CHST11: variants seen among roughly 807,000 people sequenced by gnomAD.
The protein encoded by CHST11 is C4S-1.
CHST11 carries 9 observed loss-of-function variants against 30.4 expected under a neutral mutation model. The ratio of observed to expected loss-of-function variants is 0.30; its 90% CI spans 0.18 to 0.52. The LOEUF is 0.52. Ranked by LOEUF, CHST11 falls within the 20% of genes least tolerant of loss-of-function variation. CHST11 has a pLI of 0.97. For missense variants in CHST11, 348 were observed against 460.6 expected, an observed-to-expected ratio of 0.76 and a Z score of 2.24; for synonymous variants, 152 against 187.8, an observed-to-expected ratio of 0.81 and a Z score of 1.56.
intron 1 of CHST11, among the ~76,000 whole-genome samples, chr12:104,494,521 C>A (rs1432581279): frequency 1.3e-5 from 2 of 152,182 alleles, no homozygotes; most frequent in Non-Finnish European, 2.9e-5. Context: ...AAATAGAATC[C>A]GTTCTAAGTC....
chr12:104,642,680 A>G (rs926518377), intron 2 of CHST11, among the ~76,000 whole-genome samples: 9 of 152,222 alleles, frequency 5.9e-5, no homozygotes, highest in African/African-American at 7.2e-5. Context: ...TATTACAGCT[A>G]TGAGCCACTA....
intron 1 of CHST11, among the ~76,000 whole-genome samples, chr12:104,526,199 A>G (rs1193188416): frequency 6.7e-6 from 1 of 148,412 alleles, no homozygotes; most frequent in African/African-American, 2.5e-5. Context: ...TTATTTTCAC[A>G]AATGGATCAT....
chr12:104,544,705 TAAAA>T (rs755404934), intron 1 of CHST11, among the ~76,000 whole-genome samples: 1 of 93,176 alleles, frequency 1.1e-5, no homozygotes, highest in Admixed American at 1.4e-4. Flanking sequence ...AGACTTGGTC[TAAAA>T]AAAAAAAAAA....
At chr12:104,525,058 G>A (rs1290358740) in intron 1 of CHST11, among the ~76,000 whole-genome samples, 1 of 151,120 alleles carries the variant, frequency 6.6e-6, no homozygotes, top group African/African-American at 2.4e-5. Flanking sequence ...CAAATCTTAT[G>A]ACTGTAATTT....
At chr12:104,727,860 C>G (rs1027427046) in intron 2 of CHST11, among the ~76,000 whole-genome samples, 3 of 152,108 alleles carry the variant, frequency 2.0e-5, no homozygotes, top group Non-Finnish European at 2.9e-5. Flanking sequence ...AACAGGGACC[C>G]TAAGCTACTC....
At chr12:104,585,658 T>C (rs934085695) in intron 1 of CHST11, among the ~76,000 whole-genome samples, 2 of 152,182 alleles carry the variant, frequency 1.3e-5, no homozygotes, top group African/African-American at 4.8e-5. Context: ...TGGGAACCCA[T>C]GTGTATCAGT....
intron 1 of CHST11, among the ~76,000 whole-genome samples, chr12:104,481,821 T>A (rs1297810339): frequency 6.7e-6 from 1 of 148,182 alleles, no homozygotes; most frequent in African/African-American, 2.5e-5. Flanking sequence ...CCTCCCTCCG[T>A]CCCTCTTTTC....
intron 1 of CHST11, among the ~76,000 whole-genome samples, chr12:104,548,332 G>A (rs1474659403): frequency 4.6e-5 from 7 of 152,180 alleles, no homozygotes; most frequent in Non-Finnish European, 4.4e-5. Context: ...ATTCTGATTT[G>A]TAGCATTTGC....
intron 2 of CHST11, among the ~76,000 whole-genome samples, chr12:104,669,356 T>C (rs1426736891): frequency 1.3e-5 from 2 of 152,222 alleles, no homozygotes; most frequent in Non-Finnish European, 2.9e-5. Flanking sequence ...TATTTATCGC[T>C]ATTTGGAGAG....
At chr12:104,549,742 C>T (rs919742914) in intron 1 of CHST11, among the ~76,000 whole-genome samples, 1 of 152,026 alleles carries the variant, frequency 6.6e-6, no homozygotes, top group African/African-American at 2.4e-5. Flanking sequence ...CCCCGCCACT[C>T]AAAAAATAAC....
At chr12:104,741,759 G>A (rs111935746) in intron 2 of CHST11, among the ~76,000 whole-genome samples, 6 of 152,276 alleles carry the variant, frequency 3.9e-5, no homozygotes, top group African/African-American at 1.4e-4. Context: ...ATGTAAAAGC[G>A]ACGCTCAATC....
At position 104,575,255 on chromosome 12, in the gene CHST11, G is replaced by C. The variant is rs571864752; in HGVS notation, c.119-26651G>C. On this transcript the variant is annotated intron_variant, in intron 1 of 2. Coordinates refer to ENST00000303694, the MANE Select transcript of CHST11 (RefSeq NM_018413.6). ...GCATAAACTGGGATGATCCCAGGGTGACGGGGCTTTGTGTTTGCCCTAAAC... is the reference window on the plus strand; with the variant it reads ...GCATAAACTGGGATGATCCCAGGGTCACGGGGCTTTGTGTTTGCCCTAAAC... Among the ~76,000 whole-genome samples the C allele has an allele frequency of 4.6e-5, 7 of 152,170 alleles. No individual in the cohort carries two copies. The East Asian group carries it at 1.4e-3, about 29-fold the overall frequency.
At position 104,480,550 on chromosome 12, in the gene CHST11, C is replaced by G. The variant is rs150904980; in HGVS notation, c.118+23021C>G. On this transcript the variant is annotated intron_variant, in intron 1 of 2. Coordinates refer to ENST00000303694, the MANE Select transcript of CHST11 (RefSeq NM_018413.6). ...CTGAGATCGTGCCACTGCACCCCAG[C>G]CTGGGCTACAGAGCAAGATTCCATC... is the stretch of plus-strand genomic sequence containing the variant. Among the ~76,000 whole-genome samples, 972 of 145,594 alleles carry G rather than the reference C, an allele frequency of 6.7e-3. 4 individuals carry two copies. The highest frequency in any genetic ancestry group is 0.018 in the Middle Eastern group (5 of 278).
At chr12:104,581,175 CTT>C (rs1181430856) in intron 1 of CHST11, among the ~76,000 whole-genome samples, 7 of 152,184 alleles carry the variant, frequency 4.6e-5, no homozygotes, top group Admixed American at 3.9e-4. Flanking sequence ...CATCCTTATC[CTT>C]GAGGACTTTG....
intron 1 of CHST11, among the ~76,000 whole-genome samples, chr12:104,581,202 G>A (rs1462938043): frequency 6.6e-6 from 1 of 152,214 alleles, no homozygotes; most frequent in Non-Finnish European, 1.5e-5. Flanking sequence ...CTGATCCCAA[G>A]GGTGTTGGCC....
intron 1 of CHST11, among the ~76,000 whole-genome samples, chr12:104,481,363 G>A (rs1329913048): frequency 3.3e-5 from 5 of 152,248 alleles, no homozygotes; most frequent in East Asian, 1.9e-4. Flanking sequence ...TTCAGGTCCC[G>A]TTTAATGTTG....
chr12:104,614,406 T>C (rs2136055551), intron 2 of CHST11, among the ~76,000 whole-genome samples: 1 of 152,270 alleles, frequency 6.6e-6, no homozygotes, highest in Middle Eastern at 3.4e-3. Flanking sequence ...TAGCTGGGCA[T>C]GGTGTTGTGC....
chr12:104,531,104 T>G (rs898230737), intron 1 of CHST11, among the ~76,000 whole-genome samples: 1 of 152,186 alleles, frequency 6.6e-6, no homozygotes, highest in Non-Finnish European at 1.5e-5. Flanking sequence ...AAATACTGTA[T>G]CAGAAAGTGA....
In CHST11 at chr12:104,757,953, C is replaced by A. The variant is rs186558964; in HGVS notation, c.*150C>A. On this transcript the variant is annotated 3_prime_UTR_variant, in exon 3 of 3. Coordinates refer to ENST00000303694, the MANE Select transcript of CHST11 (RefSeq NM_018413.6). The surrounding 1 kb of genome is among the most constrained non-coding windows in gnomAD (Gnocchi z 6.5). Reference sequence around the variant, plus strand: ...ATAGTGAGAATTATTTAAAATCCTTCGTAGGGAAGGACAGCTGTCTTTGCA... The same window carrying A: ...ATAGTGAGAATTATTTAAAATCCTTAGTAGGGAAGGACAGCTGTCTTTGCA... The A allele has an allele frequency of 4.5e-6, 4 of 879,484 alleles. No individual in the cohort carries two copies. The highest frequency in any genetic ancestry group is 3.4e-5 in the African/African-American group (2 of 58,730). 54.5% of individuals were successfully genotyped at this position (879,484 alleles called of 1,614,324 possible).
Sources: allele counts gnomAD v4.1 joint callset (sites outside exome capture counted in the v4.1 genomes callset), GRCh38; gene constraint gnomAD v4.1.1; non-coding constraint Gnocchi (gnomAD v3.1); transcripts MANE v1.5; gene names NCBI Gene and HGNC (gene_info 2026-07-23, HGNC 2026-07-21).